The following ATM variants were observed in gnomAD, a reference collection of about 807,000 sequenced individuals.
The protein encoded by ATM is serine-protein kinase ATM.
A neutral mutation model predicts 387.0 loss-of-function variants in ATM; 308 were observed. That is an observed-to-expected ratio of 0.80 (90% CI 0.73 to 0.87). The LOEUF (loss-of-function observed/expected upper bound fraction) is 0.87. Ranked by LOEUF, ATM falls within the 40% of genes least tolerant of loss-of-function variation. The pLI is 0.00. For synonymous variants in ATM, 1,156 were observed against 1,187.3 expected (o/e 0.97, Z 0.54); for missense variants, 3,312 against 3,560.9 (o/e 0.93, Z 1.78).
intron 1 of ATM, chr11:108,223,655 C>CTTA (rs2078598012): frequency 6.6e-6 from 1 of 152,202 alleles, no homozygotes; most frequent in Admixed American, 6.5e-5. Context: ...CTGTGGTGAG[C>CTTA]ACTCGTGAGC....
chr11:108,226,428 A>C (rs2078739450), intron 1 of ATM: 1 of 152,204 alleles, frequency 6.6e-6, no homozygotes, highest in Admixed American at 6.5e-5. Context: ...CCCCCAAAAG[A>C]AGAGAGCTAC....
intron 61 of ATM, among the ~76,000 whole-genome samples, chr11:108,357,438 C>A (rs1413725001): frequency 1.3e-5 from 2 of 152,228 alleles, no homozygotes; most frequent in Non-Finnish European, 2.9e-5. Flanking sequence ...TGGGTGGAAC[C>A]CACCACAGCT....
rs61734354 is a variant in ATM at position 108,267,312 on chromosome 11, A to G, written c.2608A>G (p.Asn870Asp). 2.5e-4 allele frequency: 397 copies of G among 1,614,056 alleles called. No homozygotes were observed. In the African/African-American group the frequency reaches 4.5e-3, roughly 18 times the overall value. ...DYPDSSVSDA[N>D]EPGESQSTIG... ...CCCTGATAGTAGTGTTAGTGATGCA[A>G]ACGAACCTGGAGAGAGCCAAAGTAC... Residue 870 changes from asparagine to aspartate, a missense_variant, in exon 17 of 63, where the codon AAC (asparagine) becomes GAC (aspartate). Asn to Asp is a conservative substitution (Grantham distance 23, BLOSUM62 1). Coordinates refer to ENST00000675843, the MANE Select transcript of ATM (RefSeq NM_000051.4).
At chr11:108,267,814 T>C (rs547459242) in intron 17 of ATM, among the ~76,000 whole-genome samples, 3 of 152,296 alleles carry the variant, frequency 2.0e-5, no homozygotes, top group Admixed American at 1.3e-4. Flanking sequence ...GCCGAGATCA[T>C]GCCACTGCAT....
rs906764662 is a variant in ATM, at chr11:108,367,552, C to G, written c.*2044C>G. On this transcript the variant is annotated 3_prime_UTR_variant, in exon 63 of 63. Coordinates refer to ENST00000675843, the MANE Select transcript of ATM (RefSeq NM_000051.4). ...TTAGTGAGTATAATCTCTTCTCCAT[C>G]CTTAGGAAAATGTTCATCCCAGCTG... The G allele has an allele frequency of 4.8e-6, 1 of 206,358 alleles. No individual in the cohort carries two copies. Among genetic ancestry groups the G allele is most frequent in the Non-Finnish European group, 9.9e-6 (1 of 100,990 alleles). The allele number at this position is 206,358 out of a possible 1,614,324, so 12.8% of individuals were successfully genotyped here. A position where few individuals can be genotyped will look rare whatever the true frequency, so the allele number is the denominator to read the frequency against.
intron 22 of ATM, among the ~76,000 whole-genome samples, chr11:108,274,338 G>GT (rs780338435): frequency 9.3e-5 from 10 of 107,672 alleles, no homozygotes; most frequent in African/African-American, 2.4e-4. Flanking sequence ...TTTTTGAAAG[G>GT]TTTTTTTTGT....
At chr11:108,302,051 G>T (rs1157480547) in intron 35 of ATM, among the ~76,000 whole-genome samples, 1 of 152,044 alleles carries the variant, frequency 6.6e-6, no homozygotes, top group Non-Finnish European at 1.5e-5. Flanking sequence ...GACAGACCTT[G>T]TTTTTTTAGA....
chr11:108,254,030 C>T lies in ATM; in HGVS notation c.2115C>T (p.Tyr705=), dbSNP rs876659149. The T allele has an allele frequency of 6.8e-6, 11 of 1,613,342 alleles. No homozygotes were observed. The highest frequency in any genetic ancestry group is 3.3e-5 in the Admixed American group (2 of 59,976). ...LGLSEQLLNN[Y]SSEITNSETL... The stretch of plus-strand genomic sequence containing the variant: ...TATCAGAACAGCTTCTGAATAATTA[C>T]TCATCTGAGGTGAGATTTTTTAAAA... Residue 705 remains tyrosine (Y), a synonymous_variant, in exon 13 of 63, where the codon TAC becomes TAT. Coordinates refer to ENST00000675843, the MANE Select transcript of ATM (RefSeq NM_000051.4).
intron 60 of ATM, 109 bp from the exon 61 acceptor site, chr11:108,354,702 G>T (rs938563763): frequency 2.0e-6 from 2 of 990,004 alleles, no homozygotes; most frequent in East Asian, 2.4e-5. Flanking sequence ...CAGATATGTA[G>T]ATTATTAAGC....
rs571540507 is a variant in ATM, at chr11:108,315,132, C to A, written c.6007-691C>A. Among the ~76,000 whole-genome samples, 6 of 152,284 alleles carry A rather than the reference C, an allele frequency of 3.9e-5. No homozygotes were observed. In the South Asian group the frequency reaches 6.2e-4, roughly 16 times the overall value. On this transcript the variant is annotated intron_variant, in intron 40 of 62. Transcript: ENST00000675843. The stretch of plus-strand genomic sequence containing the variant: ...AGAGATTACTTTTCATTTCTGGATA[C>A]AATTTACTAGAGAAATGAACTGCTC...
chr11:108,274,290 T>A (rs2081799615), intron 22 of ATM, among the ~76,000 whole-genome samples: 1 of 152,224 alleles, frequency 6.6e-6, no homozygotes, highest in South Asian at 2.1e-4. Context: ...TCTGTTTTGT[T>A]AATCTTTTCA....
chr11:108,354,830 G>C lies in ATM; in HGVS notation c.8806G>C (p.Glu2936Gln), dbSNP rs1060501537. The C allele has an allele frequency of 3.1e-6, 5 of 1,613,760 alleles. No individual in the cohort carries two copies. The highest frequency in any genetic ancestry group is 4.2e-6 in the Non-Finnish European group (5 of 1,179,780). Reference protein sequence around the residue: ...VFRRCCEKTMEVMRNSQETLL... With the variant: ...VFRRCCEKTMQVMRNSQETLL... The stretch of plus-strand genomic sequence containing the variant: ...CTCTAGATGCTGTGAGAAAACCATG[G>C]AAGTGATGAGAAACTCTCAGGAAAC... Residue 2936 changes from glutamate (E) to glutamine (Q), a missense_variant, in exon 61 of 63, where the codon GAA becomes CAA. Physicochemically the swap from Glu to Gln is conservative, Grantham distance 29 (BLOSUM62 2). This residue lies in a region of ATM where 21 missense variants were observed against 51.6 expected (regional missense o/e 0.41). Transcript: ENST00000675843.
In ATM at chr11:108,244,987, T is replaced by C. The variant is rs1565372057; in HGVS notation, c.862T>C (p.Tyr288His). Residue 288 changes from tyrosine (Y) to histidine (H), a missense_variant, in exon 7 of 63, where the codon TAT becomes CAT. Physicochemically the swap from Tyr to His is moderately conservative, Grantham distance 83. This residue lies in a region of ATM where 1,791 missense variants were observed against 1,804.5 expected (regional missense o/e 0.99). Transcript: ENST00000675843. ...TATTGAATTATTTCAACTGCAAATT[T>C]ATATCCATCATCCGAAAGGAGCCAA... ...VIIELFQLQI[Y>H]IHHPKGAKTQ... 6.2e-7 allele frequency: 1 copy of C among 1,612,306 alleles called. No homozygotes were observed.
intron 12 of ATM, among the ~76,000 whole-genome samples, 178 bp downstream of exon 12, chr11:108,253,090 A>G (rs1471897347): frequency 6.6e-6 from 1 of 152,188 alleles, no homozygotes; most frequent in East Asian, 1.9e-4. Context: ...TCTATGTTAT[A>G]TAACATTAGA....
chr11:108,359,158 A>G (rs2090403350), intron 61 of ATM, among the ~76,000 whole-genome samples: 2 of 151,398 alleles, frequency 1.3e-5, no homozygotes, highest in South Asian at 4.2e-4. Context: ...AGTCTCTGAT[A>G]AAACAGACTT....
Position 108,310,321 on chromosome 11 carries a change from G to A in ATM, c.5918+6G>A, listed in dbSNP as rs2084041898. On this transcript the variant is annotated splice_donor_region_variant and intron_variant, in intron 39 of 62. Coordinates refer to ENST00000675843, the MANE Select transcript of ATM (RefSeq NM_000051.4). ...ATGGATGATCAAGAGAAAAGGTAAT[G>A]GAATTTAGAATTTTTGGTTTTTAAA... The A allele has an allele frequency of 1.9e-6, 3 of 1,611,600 alleles. No individual in the cohort carries two copies. The highest frequency in any genetic ancestry group is 1.7e-6 in the Non-Finnish European group (2 of 1,178,530).
intron 38 of ATM, 139 bp downstream of exon 38, chr11:108,308,123 T>G: frequency 1.2e-6 from 1 of 828,856 alleles, no homozygotes; most frequent in Non-Finnish European, 2.0e-6. Flanking sequence ...TATATCTCCT[T>G]GCAGTAATCC....
At position 108,319,974 on chromosome 11, in the gene ATM, GTT is replaced by G. The variant is rs1555116381; in HGVS notation, c.6369_6370del (p.Ser2123ArgfsTer3). 6.2e-7 allele frequency: 1 copy of G among 1,612,036 alleles called. No homozygotes were observed. Among genetic ancestry groups the G allele is most frequent in the Non-Finnish European group, 8.5e-7 (1 of 1,178,324 alleles). ...CACAGCAAAGAAGTAGAAGGAACCA[GTT>G]ACCATGAATCATTGTACAATGCTCT... On this transcript the variant is annotated frameshift_variant, in exon 44 of 63. Transcript: ENST00000675843. LOFTEE classifies it high-confidence loss of function.
chr11:108,316,378 T>C (rs2084652531), intron 42 of ATM, among the ~76,000 whole-genome samples: 1 of 151,312 alleles, frequency 6.6e-6, no homozygotes, highest in South Asian at 2.1e-4. Context: ...ATAGTGTTGT[T>C]GGATAACAAC....
Sources: gnomAD v4.1 joint callset for allele counts (sites outside exome capture counted in the v4.1 genomes callset) on GRCh38, gnomAD v4.1.1 for gene constraint, gnomAD v4.1.1 regional missense constraint, MANE v1.5 for transcripts, NCBI Gene and HGNC (gene_info 2026-07-23, HGNC 2026-07-21) for gene names.